The following MAN2A1 variants were observed in gnomAD, a reference collection of about 807,000 sequenced individuals.
The protein encoded by MAN2A1 is alpha-mannosidase 2.
In MAN2A1, 76 loss-of-function variants were observed where a neutral mutation model predicts 142.6. That is an observed-to-expected ratio of 0.53 (90% CI 0.44 to 0.65). The LOEUF is 0.65. MAN2A1 is among the 30% of genes least tolerant of loss of function. The pLI is 0.00. For synonymous variants in MAN2A1, 559 were observed against 473.2 expected, an observed-to-expected ratio of 1.18 and a Z score of -2.35; for missense variants, 1,311 against 1,365.1, an observed-to-expected ratio of 0.96 and a Z score of 0.62.
At chr5:109,804,164 C>T (rs916801917) in intron 12 of MAN2A1, 7 of 987,040 alleles carry the variant, frequency 7.1e-6, no homozygotes, top group East Asian at 1.1e-4. Context: ...ATTAATAAAG[C>T]GTGCACAACA....
chr5:109,711,116 G>A (rs1010387750), intron 1 of MAN2A1, among the ~76,000 whole-genome samples: 10 of 152,162 alleles, frequency 6.6e-5, no homozygotes, highest in Admixed American at 2.0e-4. Context: ...ATGAGCCACC[G>A]TGCCCGGACA....
chr5:109,823,826 A>G lies in MAN2A1; in HGVS notation c.2555A>G (p.Tyr852Cys), dbSNP rs769812129. 1 of 1,551,742 alleles carries G rather than the reference A, an allele frequency of 6.4e-7. No homozygotes were observed. The highest frequency in any genetic ancestry group is 8.8e-7 in the Non-Finnish European group (1 of 1,140,370). Residue 852 changes from tyrosine to cysteine, a missense_variant, in exon 16 of 22, where the codon TAC (tyrosine) becomes TGC (cysteine). Tyr to Cys is a radical substitution (Grantham distance 194). Coordinates refer to ENST00000261483, the MANE Select transcript of MAN2A1 (RefSeq NM_002372.4). ...FDHVTHRVRL[Y>C]HIQGIEGQSV... is the part of the protein sequence containing the mutation. ...CATGTTACTCATAGAGTCCGACTAT[A>G]CCACATACAGGGTAAGAAAATAGGA...
intron 12 of MAN2A1, among the ~76,000 whole-genome samples, chr5:109,814,404 C>G (rs1464257623): frequency 6.6e-6 from 1 of 152,048 alleles, no homozygotes; most frequent in African/African-American, 2.4e-5. Context: ...ATACTTATTT[C>G]CAAAGGAAAT....
intron 13 of MAN2A1, among the ~76,000 whole-genome samples, chr5:109,817,771 C>G (rs1405448967): frequency 6.6e-6 from 1 of 151,952 alleles, no homozygotes; most frequent in East Asian, 1.9e-4. Flanking sequence ...ATGTTTTGCT[C>G]TAAGTGAATT....
At chr5:109,833,433 C>T (rs1286425848) in intron 16 of MAN2A1, among the ~76,000 whole-genome samples, 4 of 152,172 alleles carry the variant, frequency 2.6e-5, no homozygotes, top group East Asian at 1.9e-4. Context: ...CTCAGGAGGC[C>T]GAGGCTAGCA....
intron 16 of MAN2A1, chr5:109,840,710 C>G (rs890547457): frequency 8.7e-5 from 36 of 412,966 alleles, no homozygotes; most frequent in Non-Finnish European, 1.6e-4. Flanking sequence ...AAGGACCGAT[C>G]CAGTATGGCC....
rs568004022 is a variant in MAN2A1 at position 109,843,624 on chromosome 5, T to A, written c.2700+1163T>A. On this transcript the variant is annotated intron_variant, in intron 17 of 21. Transcript: ENST00000261483. ...ACCATTATACATACACAGACACACA[T>A]GTATACATATACATAGGTATATCTA... is the stretch of plus-strand genomic sequence containing the variant. Among the ~76,000 whole-genome samples, 9 of 152,348 alleles carry A rather than the reference T, an allele frequency of 5.9e-5. No homozygotes were observed. The South Asian group carries it at 1.9e-3, about 32-fold the overall frequency.
intron 12 of MAN2A1, among the ~76,000 whole-genome samples, chr5:109,808,971 A>AG (rs1340956962): frequency 6.6e-6 from 1 of 151,992 alleles, no homozygotes; most frequent in East Asian, 1.9e-4. Context: ...CCAAAGTGCT[A>AG]GGATTACAGG....
At chr5:109,846,895 G>A (rs943546382) in intron 18 of MAN2A1, among the ~76,000 whole-genome samples, 1 of 152,136 alleles carries the variant, frequency 6.6e-6, no homozygotes, top group African/African-American at 2.4e-5. Flanking sequence ...TTCCACATCA[G>A]GGATCCAGTA....
intron 1 of MAN2A1, 101 bp downstream of exon 1, chr5:109,690,653 A>C: frequency 7.4e-7 from 1 of 1,352,626 alleles, no homozygotes; most frequent in Non-Finnish European, 1.0e-6. Flanking sequence ...GCGGCCCCAC[A>C]CCCGTGCTGG....
intron 4 of MAN2A1, among the ~76,000 whole-genome samples, chr5:109,736,789 C>G (rs1396285457): frequency 6.6e-6 from 1 of 152,032 alleles, no homozygotes; most frequent in Non-Finnish European, 1.5e-5. Context: ...CTTGACCTAT[C>G]TGCTTTCATC....
intron 4 of MAN2A1, among the ~76,000 whole-genome samples, chr5:109,743,901 C>G (rs922107782): frequency 1.3e-5 from 2 of 152,100 alleles, no homozygotes; most frequent in Non-Finnish European, 2.9e-5. Flanking sequence ...TGATTCCTCC[C>G]GACTTGCTCA....
At chr5:109,780,880 C>T (rs2112665739) in intron 8 of MAN2A1, among the ~76,000 whole-genome samples, 1 of 152,212 alleles carries the variant, frequency 6.6e-6, no homozygotes, top group East Asian at 1.9e-4. Context: ...CTTAAAGTCC[C>T]TTCTCCTTCA....
chr5:109,799,149 T>C (rs1245180056), intron 12 of MAN2A1, among the ~76,000 whole-genome samples: 1 of 152,200 alleles, frequency 6.6e-6, no homozygotes, highest in Non-Finnish European at 1.5e-5. Context: ...AATACGGTTA[T>C]GTGTATGAAC....
intron 5 of MAN2A1, among the ~76,000 whole-genome samples, chr5:109,763,902 A>G (rs1308691466): frequency 6.6e-6 from 1 of 151,990 alleles, no homozygotes; most frequent in Non-Finnish European, 1.5e-5. Flanking sequence ...GCTGGGTTCA[A>G]GTGACCCTCC....
intron 5 of MAN2A1, among the ~76,000 whole-genome samples, chr5:109,757,963 T>C (rs1258179820): frequency 2.0e-5 from 3 of 152,182 alleles, no homozygotes; most frequent in Non-Finnish European, 4.4e-5. Context: ...ACTTAGGTTG[T>C]ATTTTGCTTT....
chr5:109,846,884 G>A (rs1267719774), intron 18 of MAN2A1, among the ~76,000 whole-genome samples: 1 of 152,106 alleles, frequency 6.6e-6, no homozygotes, highest in Non-Finnish European at 1.5e-5. Context: ...AGTAGTAATG[G>A]TTCCACATCA....
Position 109,817,175 on chromosome 5 carries a change from T to C in MAN2A1, c.1944-98T>C, listed in dbSNP as rs552005950. The C allele has an allele frequency of 1.3e-3, 270 of 214,396 alleles. 1 individual carries two copies. In the African/African-American group the frequency reaches 0.035, roughly 28 times the overall value. The allele number at this position is 214,396 out of a possible 1,614,324, so 13.3% of individuals were successfully genotyped here. A position where few individuals can be genotyped will look rare whatever the true frequency, so the allele number is the denominator to read the frequency against. ...AGTGAGACGCTATCTCAAAAATATA[T>C]ATGTATATGTATATGTATATGTATA... On this transcript the variant is annotated intron_variant, in intron 12 of 21. Transcript: ENST00000261483.
chr5:109,754,917 C>T (rs1752646709), intron 4 of MAN2A1, among the ~76,000 whole-genome samples: 1 of 145,958 alleles, frequency 6.9e-6, no homozygotes, highest in Non-Finnish European at 1.5e-5. Flanking sequence ...AGGAGAATCG[C>T]TTGAACCTGG....
Sources: gnomAD v4.1 joint callset for allele counts (sites outside exome capture counted in the v4.1 genomes callset) on GRCh38, gnomAD v4.1.1 for gene constraint, MANE v1.5 for transcripts, NCBI Gene and HGNC (gene_info 2026-07-23, HGNC 2026-07-21) for gene names.